KHDRBS2: variants seen among roughly 807,000 people sequenced by gnomAD.
KHDRBS2 encodes the protein KH domain-containing, RNA-binding, signal transduction-associated protein 2.
A neutral mutation model predicts 44.3 loss-of-function variants in KHDRBS2; 26 were observed. That is an observed-to-expected ratio of 0.59 (90% CI 0.43 to 0.81). The LOEUF (loss-of-function observed/expected upper bound fraction) is 0.81. KHDRBS2 is among the 40% of genes least tolerant of loss of function. KHDRBS2 has a pLI of 0.00. For missense variants in KHDRBS2, 476 were observed against 433.1 expected (o/e 1.10, Z -0.88); for synonymous variants, 194 against 151.1 (o/e 1.28, Z -2.08).
intron 6 of KHDRBS2, among the ~76,000 whole-genome samples, chr6:61,845,867 C>G (rs1370537692): frequency 6.6e-6 from 1 of 152,130 alleles, no homozygotes; most frequent in African/African-American, 2.4e-5. Flanking sequence ...CTCGTCCCTA[C>G]CCAAATCTCA....
chr6:62,093,548 T>A (rs1799891944), intron 2 of KHDRBS2, among the ~76,000 whole-genome samples: 2 of 151,916 alleles, frequency 1.3e-5, no homozygotes, highest in Non-Finnish European at 2.9e-5. Flanking sequence ...TAACAATACA[T>A]TATTGTTAAC....
At chr6:62,254,599 A>T (rs1423790067) in intron 1 of KHDRBS2, among the ~76,000 whole-genome samples, 1 of 152,014 alleles carries the variant, frequency 6.6e-6, no homozygotes, top group Admixed American at 6.6e-5. Context: ...AGCTACTATA[A>T]TGGCCCTAAG....
At chr6:61,840,164 C>G (rs904034235) in intron 6 of KHDRBS2, among the ~76,000 whole-genome samples, 5 of 151,960 alleles carry the variant, frequency 3.3e-5, no homozygotes, top group African/African-American at 1.2e-4. Context: ...TAAAAATGTA[C>G]CAGGATTCAC....
intron 7 of KHDRBS2, among the ~76,000 whole-genome samples, chr6:61,709,499 C>T (rs1770145836): frequency 1.3e-5 from 2 of 151,582 alleles, no homozygotes; most frequent in East Asian, 1.9e-4. Context: ...TATGCTTTTG[C>T]TTTTTGAATA....
intron 2 of KHDRBS2, among the ~76,000 whole-genome samples, chr6:62,165,122 T>A (rs1256299768): frequency 6.6e-6 from 1 of 151,804 alleles, no homozygotes; most frequent in Middle Eastern, 3.2e-3. Context: ...GTTTTAAATT[T>A]ATGTTTTAAA....
intron 1 of KHDRBS2, among the ~76,000 whole-genome samples, chr6:62,271,592 C>T (rs1840100974): frequency 6.6e-6 from 1 of 152,002 alleles, no homozygotes; most frequent in Admixed American, 6.6e-5. Flanking sequence ...TGACAGTTCC[C>T]TATGTGTTAT....
chr6:61,930,569 G>A (rs1185707681), intron 4 of KHDRBS2, among the ~76,000 whole-genome samples: 8 of 94,138 alleles, frequency 8.5e-5, no homozygotes, highest in African/African-American at 4.9e-4. Flanking sequence ...AAAAAAAAAG[G>A]CTAGTCTAGT....
At chr6:62,186,274 C>T (rs1289790305) in intron 1 of KHDRBS2, among the ~76,000 whole-genome samples, 1 of 152,078 alleles carries the variant, frequency 6.6e-6, no homozygotes, top group Non-Finnish European at 1.5e-5. Flanking sequence ...CCTAAAACGG[C>T]TGTAAGGATT....
At chr6:62,088,515 G>C (rs535557748) in intron 2 of KHDRBS2, among the ~76,000 whole-genome samples, 12 of 152,136 alleles carry the variant, frequency 7.9e-5, no homozygotes, top group Admixed American at 1.3e-4. Context: ...TCTTTGCCTG[G>C]GTATCACCAG....
chr6:61,603,975 G>C, the KHDRBS2 span, among the ~76,000 whole-genome samples: 1 of 152,112 alleles, frequency 6.6e-6, no homozygotes, highest in Non-Finnish European at 1.5e-5. Flanking sequence ...ACCAGCAAAG[G>C]CAGGCTATGC....
intron 2 of KHDRBS2, among the ~76,000 whole-genome samples, chr6:62,136,889 G>T (rs1473409009): frequency 6.6e-6 from 1 of 151,830 alleles, no homozygotes; most frequent in Non-Finnish European, 1.5e-5. Context: ...CGCAAAGTTG[G>T]CTTTGTTTCT....
Position 62,209,209 on chromosome 6 carries a change from T to G in KHDRBS2, c.92-31897A>C, listed in dbSNP as rs547874144. Among the ~76,000 whole-genome samples the G allele has an allele frequency of 3.9e-5, 6 of 152,338 alleles. No homozygotes were observed. In the South Asian group the frequency reaches 1.2e-3, roughly 32 times the overall value. On this transcript the variant is annotated intron_variant, in intron 1 of 8. Coordinates refer to ENST00000281156, the MANE Select transcript of KHDRBS2 (RefSeq NM_152688.4). ...CTGTAGTTTTGACAGCATAAAGCAG[T>G]AAATAATTCCTTAGAAAAGGAAAAA... is the stretch of plus-strand genomic sequence containing the variant.
chr6:62,107,496 A>T (rs1413238476), intron 2 of KHDRBS2, among the ~76,000 whole-genome samples: 2 of 152,242 alleles, frequency 1.3e-5, no homozygotes, highest in Non-Finnish European at 2.9e-5. Context: ...AAGAATCAAT[A>T]TCGTGAAAAT....
chr6:62,075,955 G>T (rs1180675854), intron 2 of KHDRBS2, among the ~76,000 whole-genome samples: 1 of 151,142 alleles, frequency 6.6e-6, no homozygotes, highest in African/African-American at 2.4e-5. Flanking sequence ...TGATCAATTT[G>T]AATGTAGATT....
chr6:61,690,098 T>C (rs959370099), intron 8 of KHDRBS2, among the ~76,000 whole-genome samples: 10 of 151,974 alleles, frequency 6.6e-5, no homozygotes, highest in African/African-American at 2.4e-4. Flanking sequence ...ATTTTGTCTT[T>C]TTTTCTTTTA....
chr6:62,124,133 A>G (rs1808386682), intron 2 of KHDRBS2, among the ~76,000 whole-genome samples: 1 of 152,202 alleles, frequency 6.6e-6, no homozygotes, highest in African/African-American at 2.4e-5. Context: ...GAATCTAAAT[A>G]TCAGTACCCC....
At chr6:61,549,791 G>A in the KHDRBS2 span, among the ~76,000 whole-genome samples, 5 of 152,226 alleles carry the variant, frequency 3.3e-5, no homozygotes, top group Admixed American at 2.6e-4. Flanking sequence ...GATAGTTTTA[G>A]TTTCAACCTA....
At position 62,112,581 on chromosome 6, in the gene KHDRBS2, A is replaced by C. The variant is rs185020866; in HGVS notation, c.220-64587T>G. On this transcript the variant is annotated intron_variant, in intron 2 of 8. Coordinates refer to ENST00000281156, the MANE Select transcript of KHDRBS2 (RefSeq NM_152688.4). ...AAATAGATGACTGGAACTCAGAAAA[A>C]GGTAATAAAGTCAACTACATAATAT... Among the ~76,000 whole-genome samples, 1,119 of 152,270 alleles carry C rather than the reference A, an allele frequency of 7.3e-3. 10 individuals carry two copies. Among genetic ancestry groups the C allele is most frequent in the Non-Finnish European group, 0.01 (701 of 67,998 alleles).
chr6:62,284,721 C>T (rs2150199428), intron 1 of KHDRBS2, among the ~76,000 whole-genome samples: 1 of 151,992 alleles, frequency 6.6e-6, no homozygotes, highest in South Asian at 2.1e-4. Flanking sequence ...TAGAAAAATA[C>T]CTTACACTTC....
Sources: allele counts gnomAD v4.1 joint callset (sites outside exome capture counted in the v4.1 genomes callset), GRCh38; gene constraint gnomAD v4.1.1; transcripts MANE v1.5; gene names NCBI Gene and HGNC (gene_info 2026-07-23, HGNC 2026-07-21).